The following CCN4 variants were observed in gnomAD, a reference collection of about 807,000 sequenced individuals.
CCN4 encodes the protein cellular communication network factor 4, also known as CCN family member 4.
CCN4 carries 30 observed loss-of-function variants against 36.7 expected under a neutral mutation model. That is an observed-to-expected ratio of 0.82 (90% confidence interval 0.61 to 1.11). CCN4 has a LOEUF of 1.11. CCN4 is among the 50% of genes least tolerant of loss of function. The pLI, the probability that CCN4 is intolerant of heterozygous loss-of-function variation, is 0.00. For synonymous variants in CCN4, 191 were observed against 195.4 expected, an observed-to-expected ratio of 0.98 and a Z score of 0.19; for missense variants, 505 against 504.9, an observed-to-expected ratio of 1.00 and a Z score of 0.00.
intron 1 of CCN4, among the ~76,000 whole-genome samples, chr8:133,209,891 G>C (rs117865047): frequency 6.6e-6 from 1 of 152,208 alleles, no homozygotes; most frequent in East Asian, 1.9e-4. Context: ...GTGTGATTGT[G>C]CCCATATCAC....
intron 1 of CCN4, among the ~76,000 whole-genome samples, chr8:133,210,663 A>T (rs1477603292): frequency 2.6e-5 from 4 of 152,170 alleles, no homozygotes; most frequent in Non-Finnish European, 5.9e-5. Flanking sequence ...GCCATAACAG[A>T]GAAGTCACCC....
At chr8:133,223,214 G>A (rs534408492) in intron 3 of CCN4, among the ~76,000 whole-genome samples, 4 of 152,230 alleles carry the variant, frequency 2.6e-5, no homozygotes, top group African/African-American at 9.6e-5. Flanking sequence ...GGGTCACGGG[G>A]GGAGCAGGGA....
chr8:133,217,640 C>T (rs7826828), intron 2 of CCN4, among the ~76,000 whole-genome samples: 2 of 151,892 alleles, frequency 1.3e-5, no homozygotes, highest in African/African-American at 4.8e-5. Context: ...GAGAGACTGG[C>T]GCGCCTTCTA....
In CCN4 at chr8:133,220,652, A is replaced by G; in HGVS notation, c.421A>G (p.Lys141Glu). 6.2e-7 allele frequency: 1 copy of G among 1,614,164 alleles called. No individual in the cohort carries two copies. Among genetic ancestry groups the G allele is most frequent in the South Asian group, 1.1e-5 (1 of 91,086 alleles). ...NNGQSFQPNC[K>E]YNCTCIDGAV... ...CGGCCAGTCCTTCCAGCCTAACTGC[A>G]AGTACAACTGCACGTGCATCGACGG... is the stretch of plus-strand genomic sequence containing the variant. The change falls in exon 3 of 5, where the codon AAG (lysine) becomes GAG (glutamate). Residue 141 changes from lysine (K) to glutamate (E), a missense_variant. By Grantham distance (56) the Lys-to-Glu change is moderately conservative. Coordinates refer to ENST00000250160, the MANE Select transcript of CCN4 (RefSeq NM_003882.4).
intron 1 of CCN4, among the ~76,000 whole-genome samples, chr8:133,202,560 C>T (rs372893481): frequency 1.5e-4 from 23 of 152,316 alleles, no homozygotes; most frequent in African/African-American, 5.3e-4. Flanking sequence ...TGACTTTCCC[C>T]GCCTGCATGT....
chr8:133,203,662 G>T (rs182710465), intron 1 of CCN4, among the ~76,000 whole-genome samples: 5 of 152,308 alleles, frequency 3.3e-5, no homozygotes, highest in South Asian at 2.1e-4. Flanking sequence ...GTGGCAGGAG[G>T]TTGGGGAATT....
chr8:133,191,491 G>A (rs1474058883), intron 1 of CCN4, among the ~76,000 whole-genome samples: 2 of 152,124 alleles, frequency 1.3e-5, no homozygotes. Context: ...AAAGAACGGG[G>A]CCCTCAGCAG....
chr8:133,207,766 T>C (rs1423495324), intron 1 of CCN4, among the ~76,000 whole-genome samples: 1 of 152,180 alleles, frequency 6.6e-6, no homozygotes, highest in Non-Finnish European at 1.5e-5. Context: ...AGTTTGTGCA[T>C]GCAGGGGAAC....
intron 2 of CCN4, among the ~76,000 whole-genome samples, chr8:133,216,748 C>T (rs575202437): frequency 6.6e-5 from 10 of 152,338 alleles, no homozygotes; most frequent in African/African-American, 2.4e-4. Context: ...GTTTTAGATC[C>T]TGGCTCTGCC....
At chr8:133,213,274 G>A in intron 2 of CCN4, 131 bp downstream of exon 2, 1 of 1,150,320 alleles carries the variant, frequency 8.7e-7, no homozygotes, top group East Asian at 2.5e-5. Context: ...TACACCCCAT[G>A]ATCAGAGGCC....
At chr8:133,203,665 G>A (rs1436364948) in intron 1 of CCN4, among the ~76,000 whole-genome samples, 1 of 152,144 alleles carries the variant, frequency 6.6e-6, no homozygotes, top group Non-Finnish European at 1.5e-5. Context: ...GCAGGAGGTT[G>A]GGGAATTGTC....
intron 2 of CCN4, among the ~76,000 whole-genome samples, chr8:133,219,901 A>G (rs1854455464): frequency 6.6e-6 from 1 of 152,210 alleles, no homozygotes; most frequent in East Asian, 1.9e-4. Context: ...AACCTCAAAA[A>G]GTGTGTTTAT....
intron 1 of CCN4, among the ~76,000 whole-genome samples, chr8:133,199,793 C>T (rs1314728441): frequency 2.0e-5 from 3 of 152,160 alleles, no homozygotes; most frequent in Non-Finnish European, 4.4e-5. Flanking sequence ...TGCTTGCAAA[C>T]TTTGGCTCTT....
intron 1 of CCN4, among the ~76,000 whole-genome samples, chr8:133,191,639 A>G (rs1853115733): frequency 6.6e-6 from 1 of 152,164 alleles, no homozygotes; most frequent in Non-Finnish European, 1.5e-5. Flanking sequence ...CTGAGTTTGA[A>G]AACTCCAAGA....
At chr8:133,195,280 T>A (rs1282750342) in intron 1 of CCN4, among the ~76,000 whole-genome samples, 2 of 150,210 alleles carry the variant, frequency 1.3e-5, no homozygotes, top group African/African-American at 4.9e-5. Flanking sequence ...GTGGGTGGTG[T>A]GTGTGTGTTG....
chr8:133,206,320 C>T (rs1853771455), intron 1 of CCN4, among the ~76,000 whole-genome samples: 1 of 152,170 alleles, frequency 6.6e-6, no homozygotes, highest in Non-Finnish European at 1.5e-5. Flanking sequence ...GAGGAGGTCC[C>T]CAGACAGCAG....
intron 1 of CCN4, 31 bp downstream of exon 1, chr8:133,191,244 G>C (rs781033572): frequency 1.3e-6 from 2 of 1,595,266 alleles, no homozygotes; most frequent in South Asian, 2.2e-5. Flanking sequence ...CTCAGAGGGA[G>C]ACCCAGCTCC....
At chr8:133,220,154 T>C (rs964731335) in intron 2 of CCN4, among the ~76,000 whole-genome samples, 1 of 152,122 alleles carries the variant, frequency 6.6e-6, no homozygotes, top group Non-Finnish European at 1.5e-5. Context: ...TCCATGAATG[T>C]GTATGGAATG....
intron 1 of CCN4, among the ~76,000 whole-genome samples, chr8:133,192,469 T>C (rs1270730315): frequency 6.6e-6 from 1 of 152,160 alleles, no homozygotes; most frequent in Non-Finnish European, 1.5e-5. Context: ...ATTTCACAAA[T>C]GAAAGAAATG....
Sources: gnomAD v4.1 joint callset for allele counts (sites outside exome capture counted in the v4.1 genomes callset) on GRCh38, gnomAD v4.1.1 for gene constraint, MANE v1.5 for transcripts, NCBI Gene and HGNC (gene_info 2026-07-23, HGNC 2026-07-21) for gene names.